ASPRV1: variants seen among roughly 807,000 people sequenced by gnomAD.
ASPRV1 encodes retroviral-like aspartic protease 1.
ASPRV1 carries 7 observed loss-of-function variants against 11.0 expected under a neutral mutation model. That is an observed-to-expected ratio of 0.64 (90% CI 0.36 to 1.20). The LOEUF is 1.20. ASPRV1 is among the 50% of genes most tolerant of loss of function. The pLI, the probability that ASPRV1 is intolerant of heterozygous loss-of-function variation, is 0.02. For missense variants in ASPRV1, 299 were observed against 320.0 expected, an observed-to-expected ratio of 0.93 and a Z score of 0.50; for synonymous variants, 136 against 138.4, an observed-to-expected ratio of 0.98 and a Z score of 0.12.
chr2:69,980,189 C>G, the ASPRV1 span, among the ~76,000 whole-genome samples: 1 of 152,154 alleles, frequency 6.6e-6, no homozygotes, highest in African/African-American at 2.4e-5. Context: ...TAGATGCTCA[C>G]CTGACTCTGG....
the ASPRV1 span, among the ~76,000 whole-genome samples, chr2:70,063,613 A>G: frequency 6.6e-6 from 1 of 152,206 alleles, no homozygotes; most frequent in Non-Finnish European, 1.5e-5. Flanking sequence ...AACCTGACAT[A>G]TTTAAAAGAA....
the ASPRV1 span, chr2:70,081,508 A>AG: frequency 6.6e-6 from 1 of 150,966 alleles, no homozygotes; most frequent in South Asian, 2.1e-4. Flanking sequence ...AAAAAAAAAA[A>AG]TTTTTCAACA....
the ASPRV1 span, chr2:69,936,971 A>G: frequency 5.1e-5 from 30 of 586,050 alleles, no homozygotes; most frequent in Admixed American, 5.7e-4. Context: ...ACTGAGGGCT[A>G]CCAGGGTGCC....
chr2:70,009,980 T>C, the ASPRV1 span, among the ~76,000 whole-genome samples: 2 of 151,984 alleles, frequency 1.3e-5, no homozygotes, highest in African/African-American at 4.8e-5. Flanking sequence ...TCCCAGCAGG[T>C]ATGGGGTGCC....
chr2:69,937,765 C>T, the ASPRV1 span, among the ~76,000 whole-genome samples: 1 of 152,208 alleles, frequency 6.6e-6, no homozygotes, highest in African/African-American at 2.4e-5. Context: ...CAGGCACACA[C>T]CACAATGCCT....
chr2:69,982,200 T>A, the ASPRV1 span, among the ~76,000 whole-genome samples: 10 of 151,778 alleles, frequency 6.6e-5, no homozygotes, highest in African/African-American at 2.4e-4. Flanking sequence ...CTATTAAGGC[T>A]AGGCATGGTG....
At chr2:70,064,561 A>G in the ASPRV1 span, among the ~76,000 whole-genome samples, 2 of 152,316 alleles carry the variant, frequency 1.3e-5, no homozygotes, top group East Asian at 1.9e-4. Context: ...CATGGGAGGA[A>G]GGGTGTTCTA....
the ASPRV1 span, chr2:70,072,956 T>G: frequency 6.7e-6 from 1 of 148,346 alleles, no homozygotes; most frequent in Non-Finnish European, 1.5e-5. Flanking sequence ...TCCCAGCTAC[T>G]CGGAGAAGGG....
the ASPRV1 span, among the ~76,000 whole-genome samples, chr2:69,945,790 C>A: frequency 6.6e-6 from 1 of 152,148 alleles, no homozygotes; most frequent in Non-Finnish European, 1.5e-5. Context: ...CAGGTCTGAG[C>A]GGGTGGACTG....
the ASPRV1 span, among the ~76,000 whole-genome samples, chr2:69,981,601 G>A: frequency 6.6e-6 from 1 of 152,206 alleles, no homozygotes; most frequent in South Asian, 2.1e-4. Context: ...CTGTTACCCA[G>A]GCTGGAGTGC....
the ASPRV1 span, among the ~76,000 whole-genome samples, chr2:70,067,300 G>A: frequency 6.6e-6 from 1 of 152,192 alleles, no homozygotes; most frequent in Non-Finnish European, 1.5e-5. Context: ...TAATGTATAT[G>A]ATTGGGCACT....
the ASPRV1 span, chr2:70,050,767 G>A: frequency 6.6e-6 from 1 of 152,024 alleles, no homozygotes; most frequent in African/African-American, 2.4e-5. Flanking sequence ...TGGGCTGCAA[G>A]AACCCATCTC....
At chr2:69,961,673 C>A, upstream of ASPRV1, 3 of 1,542,844 alleles carry the variant, frequency 1.9e-6, no homozygotes, top group Non-Finnish European at 2.6e-6. Flanking sequence ...CCTAGGCTGG[C>A]CCCTGGGCTC....
the ASPRV1 span, chr2:70,086,229 T>A: frequency 2.6e-5 from 4 of 151,992 alleles, no homozygotes; most frequent in Non-Finnish European, 5.9e-5. Flanking sequence ...GACCCCAATT[T>A]CTCGTTGGCG....
downstream of ASPRV1, among the ~76,000 whole-genome samples, chr2:69,959,032 A>G (rs1195832777): frequency 6.6e-6 from 1 of 152,096 alleles, no homozygotes; most frequent in Non-Finnish European, 1.5e-5. Context: ...AGTTCCCAGG[A>G]GAATCACAGC....
At chr2:70,059,887 C>G in the ASPRV1 span, 1 of 152,226 alleles carries the variant, frequency 6.6e-6, no homozygotes, top group African/African-American at 2.4e-5. Flanking sequence ...GCTTTGCTCA[C>G]TCGCCCACCA....
At chr2:69,949,254 C>CGAATGAATGAAT in the ASPRV1 span, among the ~76,000 whole-genome samples, 354 of 150,684 alleles carry the variant, frequency 2.3e-3, 1 homozygote, top group African/African-American at 4.4e-3. Flanking sequence ...GATGGATGGG[C>CGAATGAATGAAT]GAATGAATGA....
the ASPRV1 span, chr2:69,996,862 G>T: frequency 2.9e-6 from 1 of 340,286 alleles, no homozygotes; most frequent in Non-Finnish European, 5.9e-6. Context: ...AAGCACCTCT[G>T]TCAAGGAGTG....
chr2:70,043,442 T>C, the ASPRV1 span, among the ~76,000 whole-genome samples: 2 of 152,020 alleles, frequency 1.3e-5, no homozygotes, highest in Non-Finnish European at 2.9e-5. Context: ...AAAAGTTGTA[T>C]GTCTTAATCA....
Sources: allele counts gnomAD v4.1 joint callset (sites outside exome capture counted in the v4.1 genomes callset), GRCh38; gene constraint gnomAD v4.1.1; transcripts MANE v1.5; gene names NCBI Gene and HGNC (gene_info 2026-07-23, HGNC 2026-07-21).